Variants in DPP10 observed in about 807,000 individuals in gnomAD.
DPP10 encodes the protein inactive dipeptidyl peptidase 10.
In DPP10, 33 loss-of-function variants were observed where a neutral mutation model predicts 120.9. That is an observed-to-expected ratio of 0.27 (90% CI 0.21 to 0.37). The LOEUF (loss-of-function observed/expected upper bound fraction) is 0.37, where lower values mean the gene tolerates loss of function less well. DPP10 is among the 10% of genes least tolerant of loss of function. The pLI is 1.00. For missense variants in DPP10, 816 were observed against 942.8 expected, an observed-to-expected ratio of 0.87 and a Z score of 1.76; for synonymous variants, 337 against 326.1, an observed-to-expected ratio of 1.03 and a Z score of -0.36.
At chr2:114,526,803 A>G (rs573619649) in intron 1 of DPP10, among the ~76,000 whole-genome samples, 2 of 152,232 alleles carry the variant, frequency 1.3e-5, no homozygotes, top group East Asian at 3.9e-4. Context: ...CAAAGCCCCC[A>G]TCTCCTGGTA....
chr2:115,612,830 G>A (rs559987006), intron 5 of DPP10, among the ~76,000 whole-genome samples: 11 of 150,956 alleles, frequency 7.3e-5, no homozygotes, highest in East Asian at 5.8e-4. Context: ...ATTTAGCTCC[G>A]TTAGATGCAT....
chr2:115,705,666 A>T (rs1341901008), intron 7 of DPP10, among the ~76,000 whole-genome samples: 1 of 152,000 alleles, frequency 6.6e-6, no homozygotes, highest in Non-Finnish European at 1.5e-5. Flanking sequence ...TGACATGATG[A>T]GTGTTTCCAA....
intron 1 of DPP10, chr2:114,461,961 A>G (rs1678952423): frequency 3.0e-6 from 3 of 985,426 alleles, no homozygotes; most frequent in South Asian, 9.4e-5. Context: ...GGCCTCGACC[A>G]TCTAAGATAC....
intron 3 of DPP10, among the ~76,000 whole-genome samples, chr2:115,454,399 A>G (rs1254801032): frequency 1.3e-5 from 2 of 151,730 alleles, no homozygotes; most frequent in East Asian, 3.9e-4. Flanking sequence ...ACCATGTAGG[A>G]TATATTCCAG....
intron 1 of DPP10, among the ~76,000 whole-genome samples, chr2:114,853,793 G>A (rs1053731135): frequency 1.3e-5 from 2 of 152,178 alleles, no homozygotes; most frequent in African/African-American, 4.8e-5. Flanking sequence ...CACATGGTGA[G>A]GTACTGAGTC....
chr2:114,909,952 T>A (rs915793886), intron 1 of DPP10, among the ~76,000 whole-genome samples: 18 of 151,896 alleles, frequency 1.2e-4, no homozygotes, highest in African/African-American at 3.9e-4. Flanking sequence ...AGGTTCTGCA[T>A]ATACTAGGTC....
intron 5 of DPP10, among the ~76,000 whole-genome samples, chr2:115,619,584 A>G (rs2084794785): frequency 6.6e-6 from 1 of 152,170 alleles, no homozygotes; most frequent in African/African-American, 2.4e-5. Flanking sequence ...AGTGGTTCCC[A>G]GCATAGCTCT....
At chr2:115,340,844 A>C (rs2063408368) in intron 2 of DPP10, among the ~76,000 whole-genome samples, 1 of 152,048 alleles carries the variant, frequency 6.6e-6, no homozygotes. Flanking sequence ...AAATAAGTAC[A>C]TGCCTACCTC....
At chr2:114,661,504 A>G (rs990445520) in intron 1 of DPP10, among the ~76,000 whole-genome samples, 1 of 152,216 alleles carries the variant, frequency 6.6e-6, no homozygotes, top group Non-Finnish European at 1.5e-5. Flanking sequence ...TTTATATGAT[A>G]AAGCAAAAGG....
At chr2:114,631,687 A>G (rs150247480) in intron 1 of DPP10, among the ~76,000 whole-genome samples, 1 of 152,168 alleles carries the variant, frequency 6.6e-6, no homozygotes. Context: ...ATATCAAGAC[A>G]CTTCACTTCT....
chr2:115,635,315 G>A (rs1437423134), intron 5 of DPP10, among the ~76,000 whole-genome samples: 1 of 152,190 alleles, frequency 6.6e-6, no homozygotes, highest in Non-Finnish European at 1.5e-5. Flanking sequence ...TCAGACCCAA[G>A]GCTCTGGTGG....
At chr2:115,038,360 TC>T (rs1559022624) in intron 1 of DPP10, among the ~76,000 whole-genome samples, 1 of 152,056 alleles carries the variant, frequency 6.6e-6, no homozygotes, top group Admixed American at 6.6e-5. Context: ...AAGCTCCGCC[TC>T]CCGGGTTCAC....
intron 3 of DPP10, among the ~76,000 whole-genome samples, chr2:115,481,950 C>T (rs2075456765): frequency 6.6e-6 from 1 of 152,042 alleles, no homozygotes; most frequent in Non-Finnish European, 1.5e-5. Flanking sequence ...CACATAGCAA[C>T]TATAACACAA....
chr2:115,241,999 GT>G (rs907375582), intron 1 of DPP10, among the ~76,000 whole-genome samples: 4 of 152,096 alleles, frequency 2.6e-5, no homozygotes, highest in African/African-American at 7.2e-5. Context: ...TGGTGGTACA[GT>G]TTTTTTAAAA....
intron 1 of DPP10, among the ~76,000 whole-genome samples, chr2:114,997,421 G>A (rs1275192711): frequency 1.3e-5 from 2 of 151,566 alleles, no homozygotes; most frequent in African/African-American, 4.9e-5. Context: ...GAACCCAGGA[G>A]GCGGAGGTTG....
At chr2:115,329,966 C>T (rs1234684729) in intron 2 of DPP10, among the ~76,000 whole-genome samples, 5 of 152,276 alleles carry the variant, frequency 3.3e-5, no homozygotes, top group Admixed American at 2.0e-4. Flanking sequence ...AATGGGATCA[C>T]TGGGTCAAAT....
At chr2:114,991,095 A>G (rs1486168181) in intron 1 of DPP10, among the ~76,000 whole-genome samples, 1 of 152,336 alleles carries the variant, frequency 6.6e-6, no homozygotes. Flanking sequence ...CCATAATTAT[A>G]TAAATTAATA....
chr2:115,291,015 T>C (rs1455417726), intron 1 of DPP10, among the ~76,000 whole-genome samples: 1 of 152,066 alleles, frequency 6.6e-6, no homozygotes, highest in Non-Finnish European at 1.5e-5. Context: ...GAGTTTATTA[T>C]TTTTCTGAGG....
intron 1 of DPP10, among the ~76,000 whole-genome samples, chr2:114,920,182 A>G (rs576830272): frequency 2.0e-5 from 3 of 152,208 alleles, no homozygotes; most frequent in Non-Finnish European, 4.4e-5. Flanking sequence ...GAAACAATCT[A>G]GCACATCCCT....
Sources: allele counts gnomAD v4.1 joint callset (sites outside exome capture counted in the v4.1 genomes callset), GRCh38; gene constraint gnomAD v4.1.1; transcripts MANE v1.5; gene names NCBI Gene and HGNC (gene_info 2026-07-23, HGNC 2026-07-21).